The following LGI1 variants were observed in gnomAD, a reference collection of about 807,000 sequenced individuals.
LGI1 encodes leucine rich glioma inactivated 1, also known as leucine-rich glioma-inactivated protein 1.
Under a neutral mutation model 57.7 loss-of-function variants are expected in LGI1, and 11 were observed. The ratio of observed to expected loss-of-function variants is 0.19; its 90% confidence interval spans 0.12 to 0.32. LGI1 has a LOEUF of 0.32. Among genes scored for constraint, LGI1 ranks in the 10% least tolerant of loss-of-function variants. LGI1 has a pLI of 1.00. For missense variants in LGI1, 422 were observed against 661.9 expected (o/e 0.64, Z 3.98); for synonymous variants, 222 against 241.9 (o/e 0.92, Z 0.76).
At chr10:93,766,081 A>G (rs1023721608) in intron 2 of LGI1, among the ~76,000 whole-genome samples, 2 of 152,130 alleles carry the variant, frequency 1.3e-5, no homozygotes, top group African/African-American at 2.4e-5. Flanking sequence ...TGGCTGTTAT[A>G]AGGTTATTAA....
chr10:93,758,963 AG>A lies in LGI1; in HGVS notation c.287+133del. 2 of 751,952 alleles carry A rather than the reference AG, an allele frequency of 2.7e-6. No homozygotes were observed. Among genetic ancestry groups the A allele is most frequent in the Non-Finnish European group, 4.5e-6 (2 of 439,874 alleles). 46.6% of individuals were successfully genotyped at this position (751,952 alleles called of 1,614,324 possible). On this transcript the variant is annotated intron_variant, in intron 2 of 7. Coordinates refer to ENST00000371418, the MANE Select transcript of LGI1 (RefSeq NM_005097.4). This position sits in a 1 kb window ranked among gnomAD's most constrained non-coding sequence, Gnocchi z 4.7. ...GAGAAAACAGAATATCCGTAAAGTG[AG>A]AGGTAGATGGGTTTGTTTGCGACTT...
rs990540455 is a variant in LGI1, at chr10:93,758,081, G to T, written c.-64G>T. ...GACTCCTATGTGACCTGTTCTTAGAGCAAGACAATCACCATCTGAATTCCA... is the reference window on the plus strand; with the variant it reads ...GACTCCTATGTGACCTGTTCTTAGATCAAGACAATCACCATCTGAATTCCA... On this transcript the variant is annotated 5_prime_UTR_variant, in exon 1 of 8. Coordinates refer to ENST00000371418, the MANE Select transcript of LGI1 (RefSeq NM_005097.4). The surrounding 1 kb of genome is among the most constrained non-coding windows in gnomAD (Gnocchi z 4.7). 2 of 1,457,954 alleles carry T rather than the reference G, an allele frequency of 1.4e-6. No individual in the cohort carries two copies. The highest frequency in any genetic ancestry group is 2.8e-5 in the African/African-American group (2 of 71,672). The allele number at this position is 1,457,954 out of a possible 1,614,324, so 90.3% of individuals were successfully genotyped here.
In LGI1 at chr10:93,758,345, T is replaced by A. The variant is rs1179209989; in HGVS notation, c.201T>A (p.Pro67=). ...GATCCATTCCACGCACCGTTCCTCC[T>A]GATGTTATCTCATTGTAAGGCCCGT... is the stretch of plus-strand genomic sequence containing the variant. ...NARSIPRTVP[P]DVISLSFVRS... is the part of the protein sequence containing the mutation. Residue 67 remains proline (P), a synonymous_variant, in exon 1 of 8, where the codon CCT becomes CCA. Coordinates refer to ENST00000371418, the MANE Select transcript of LGI1 (RefSeq NM_005097.4). The surrounding 1 kb of genome is among the most constrained non-coding windows in gnomAD (Gnocchi z 4.7). 6.2e-7 allele frequency: 1 copy of A among 1,614,072 alleles called. No individual in the cohort carries two copies. Among genetic ancestry groups the A allele is most frequent in the Admixed American group, 1.7e-5 (1 of 60,028 alleles).
intron 4 of LGI1, among the ~76,000 whole-genome samples, chr10:93,785,243 C>A (rs2059885801): frequency 6.6e-6 from 1 of 152,154 alleles, no homozygotes. Flanking sequence ...TATTTAATAT[C>A]ACTGTTTAAT....
rs748991956 is a variant in LGI1 at position 93,797,588 on chromosome 10, T to C, written c.1459T>C (p.Tyr487His). 19 of 1,613,990 alleles carry C rather than the reference T, an allele frequency of 1.2e-5. No homozygotes were observed. The Admixed American group carries it at 2.0e-4, about 17-fold the overall frequency. Residue 487 changes from tyrosine to histidine, a missense_variant, in exon 8 of 8, where the codon TAC (tyrosine) becomes CAC (histidine). Physicochemically the swap from Tyr to His is moderately conservative, Grantham distance 83. This residue lies in a region of LGI1 where 301 missense variants were observed against 461.7 expected (regional missense o/e 0.65). Transcript: ENST00000371418. This position sits in a 1 kb window ranked among gnomAD's most constrained non-coding sequence, Gnocchi z 6.5. ...GTTCCAGCCTCTTCAAATAAATAATTACCAATATGCAATTCTTGGAAGTGA... is the reference window on the plus strand; with the variant it reads ...GTTCCAGCCTCTTCAAATAAATAATCACCAATATGCAATTCTTGGAAGTGA... ...MVFQPLQINNYQYAILGSDYS... is the reference protein window; with the variant it reads ...MVFQPLQINNHQYAILGSDYS...
At chr10:93,796,486 G>A (rs1435910271) in intron 7 of LGI1, among the ~76,000 whole-genome samples, 1 of 152,160 alleles carries the variant, frequency 6.6e-6, no homozygotes, top group African/African-American at 2.4e-5. Flanking sequence ...TCTGCCTTCT[G>A]CTACCAGAAC....
intron 7 of LGI1, among the ~76,000 whole-genome samples, chr10:93,796,729 G>A (rs755310278): frequency 1.1e-4 from 17 of 152,184 alleles, no homozygotes; most frequent in Non-Finnish European, 2.5e-4. Flanking sequence ...AACGTCTAGC[G>A]CAGGCTAGAT....
At chr10:93,775,704 T>C (rs1360331096) in intron 2 of LGI1, among the ~76,000 whole-genome samples, 3 of 152,238 alleles carry the variant, frequency 2.0e-5, no homozygotes, top group East Asian at 3.8e-4. Flanking sequence ...TTCTGCCCAC[T>C]AATATTCATT....
intron 2 of LGI1, chr10:93,769,313 A>G (rs2059710990): frequency 6.6e-6 from 1 of 152,184 alleles, no homozygotes; most frequent in African/African-American, 2.4e-5. Flanking sequence ...ATACATATAC[A>G]TATGCAAATA....
At chr10:93,771,633 T>A (rs894916180) in intron 2 of LGI1, 4 of 152,156 alleles carry the variant, frequency 2.6e-5, no homozygotes, top group Non-Finnish European at 5.9e-5. Context: ...AATATATCCA[T>A]GTAACAAAAC....
Position 93,793,310 on chromosome 10 carries a change from C to T in LGI1, c.798C>T (p.Asp266=). 1 of 1,613,634 alleles carries T rather than the reference C, an allele frequency of 6.2e-7. No individual in the cohort carries two copies. Among genetic ancestry groups the T allele is most frequent in the Non-Finnish European group, 8.5e-7 (1 of 1,179,682 alleles). ...FTGKCIFLEW[D]HVEKTFRNYD... ...GAAAATGCATTTTCCTTGAATGGGA[C>T]CATGTGGAAAAGACCTTCCGGAATT... The change falls in exon 7 of 8, where the codon GAC becomes GAT. Residue 266 remains aspartate (D), a synonymous_variant. Coordinates refer to ENST00000371418, the MANE Select transcript of LGI1 (RefSeq NM_005097.4).
chr10:93,761,154 C>T (rs2059619020), intron 2 of LGI1, among the ~76,000 whole-genome samples: 1 of 152,172 alleles, frequency 6.6e-6, no homozygotes, highest in African/African-American at 2.4e-5. Flanking sequence ...TGTGGGAATG[C>T]ATGGATCCCA....
At chr10:93,785,122 G>A (rs2059884884) in intron 4 of LGI1, among the ~76,000 whole-genome samples, 1 of 152,114 alleles carries the variant, frequency 6.6e-6, no homozygotes, top group South Asian at 2.1e-4. Flanking sequence ...ATCAATAAAA[G>A]TAAAAGATGG....
chr10:93,784,969 G>A (rs1415665234), intron 4 of LGI1, among the ~76,000 whole-genome samples: 1 of 152,030 alleles, frequency 6.6e-6, no homozygotes, highest in Non-Finnish European at 1.5e-5. Context: ...TCTTAACAGT[G>A]GTTACTTCTG....
At chr10:93,766,995 C>T (rs577246343) in intron 2 of LGI1, 2 of 152,322 alleles carry the variant, frequency 1.3e-5, no homozygotes, top group African/African-American at 4.8e-5. Context: ...TCCTCCTGAA[C>T]ATGAATCATC....
intron 7 of LGI1, among the ~76,000 whole-genome samples, chr10:93,795,638 C>G (rs975559139): frequency 2.6e-5 from 4 of 152,184 alleles, no homozygotes; most frequent in East Asian, 3.8e-4. Flanking sequence ...TCACTCTAGA[C>G]AGGCACCACT....
chr10:93,778,791 C>T (rs1347069709), intron 4 of LGI1: 1 of 152,228 alleles, frequency 6.6e-6, no homozygotes, highest in Admixed American at 6.5e-5. Context: ...CAGCTCTGCT[C>T]TAGGCCCTAG....
chr10:93,768,768 G>C (rs1466169272), intron 2 of LGI1: 1 of 152,206 alleles, frequency 6.6e-6, no homozygotes, highest in Non-Finnish European at 1.5e-5. Flanking sequence ...ACTGACAAAA[G>C]ATGTGACCTT....
intron 4 of LGI1, among the ~76,000 whole-genome samples, chr10:93,784,292 T>C (rs913809147): frequency 1.3e-5 from 2 of 152,228 alleles, no homozygotes; most frequent in Non-Finnish European, 2.9e-5. Context: ...TCAAACTCAC[T>C]GACCCCTAAG....
Sources: allele counts gnomAD v4.1 joint callset (sites outside exome capture counted in the v4.1 genomes callset), GRCh38; gene constraint gnomAD v4.1.1; regional missense constraint gnomAD v4.1.1; non-coding constraint Gnocchi (gnomAD v3.1); transcripts MANE v1.5; gene names NCBI Gene and HGNC (gene_info 2026-07-23, HGNC 2026-07-21).